Variants in GUCA1C observed in about 807,000 individuals in gnomAD.
The protein encoded by GUCA1C is guanylyl cyclase-activating protein 3.
GUCA1C carries 15 observed loss-of-function variants against 16.2 expected under a neutral mutation model. The observed-to-expected ratio is 0.93, with a 90% CI of 0.62 to 1.43. GUCA1C has a LOEUF of 1.43. Ranked by LOEUF, GUCA1C falls within the 40% of genes most tolerant of loss-of-function variation. The pLI, the probability that GUCA1C is intolerant of heterozygous loss-of-function variation, is 0.00. For synonymous variants in GUCA1C, 78 were observed against 85.4 expected, an observed-to-expected ratio of 0.91 and a Z score of 0.48; for missense variants, 275 against 244.8, an observed-to-expected ratio of 1.12 and a Z score of -0.82.
chr3:108,935,690 C>T (rs932567138), intron 1 of GUCA1C, among the ~76,000 whole-genome samples: 5 of 151,156 alleles, frequency 3.3e-5, no homozygotes, highest in Admixed American at 1.3e-4. Context: ...GGCAAGACTC[C>T]GTCTCAAAAA....
At chr3:108,938,839 T>C (rs1178206824) in intron 1 of GUCA1C, among the ~76,000 whole-genome samples, 1 of 152,222 alleles carries the variant, frequency 6.6e-6, no homozygotes, top group Non-Finnish European at 1.5e-5. Context: ...TGACTTCTCA[T>C]AATATTTACC....
At chr3:108,921,027 A>G (rs1260456341) in intron 1 of GUCA1C, among the ~76,000 whole-genome samples, 5 of 152,208 alleles carry the variant, frequency 3.3e-5, no homozygotes, top group African/African-American at 4.8e-5. Flanking sequence ...AATGCCATGT[A>G]CACACCATTA....
At position 108,930,335 on chromosome 3, in the gene GUCA1C, G is replaced by A. The variant is rs1048279939; in HGVS notation, c.205-9750C>T. 6.6e-5 allele frequency among the ~76,000 whole-genome samples: 10 copies of A among 152,326 alleles called. No individual in the cohort carries two copies. In the South Asian group the frequency reaches 1.0e-3, roughly 16 times the overall value. On this transcript the variant is annotated intron_variant, in intron 1 of 3. Transcript: ENST00000261047. ...GATTTATCAGTCTGTAAAGTGTTAC[G>A]TGTTTGACTGAGTCTCAAGCTTTTG... is the stretch of plus-strand genomic sequence containing the variant.
chr3:108,922,176 CACACACACACACACACACACACACACAT>C (rs1559842370), intron 1 of GUCA1C, among the ~76,000 whole-genome samples: 119 of 73,974 alleles, frequency 1.6e-3, no homozygotes, highest in African/African-American at 4.4e-3. Context: ...CACACACACA[CACACACACACACACACACACACACACAT>C]ATATATATGG....
rs1040566599 is a variant in GUCA1C at position 108,920,562 on chromosome 3, C to T, written c.228G>A (p.Glu76=). The T allele has an allele frequency of 6.5e-7, 1 of 1,532,018 alleles. No individual in the cohort carries two copies. Among genetic ancestry groups the T allele is most frequent in the Non-Finnish European group, 9.0e-7 (1 of 1,105,984 alleles). 94.9% of individuals were successfully genotyped at this position (1,532,018 alleles called of 1,614,324 possible). A position where few individuals can be genotyped will look rare whatever the true frequency, so the allele number is the denominator to read the frequency against. The change falls in exon 2 of 4, where the codon GAG becomes GAA. Residue 76 remains glutamate (E), a synonymous_variant. Coordinates refer to ENST00000261047, the MANE Select transcript of GUCA1C (RefSeq NM_005459.4). ...TNKDGFVDFL[E]FIAAVNLIMQ... is the part of the protein sequence containing the mutation. ...TGATTAGATTTACAGCAGCAATAAACTCCAAAAAGTCAACAAATCCATCCT... is the reference window on the plus strand; with the variant it reads ...TGATTAGATTTACAGCAGCAATAAATTCCAAAAAGTCAACAAATCCATCCT...
chr3:108,928,431 A>T (rs1176650760), intron 1 of GUCA1C, among the ~76,000 whole-genome samples: 1 of 152,232 alleles, frequency 6.6e-6, no homozygotes, highest in Non-Finnish European at 1.5e-5. Context: ...TTTGCAGAGC[A>T]GAAGTTTTTA....
intron 3 of GUCA1C, among the ~76,000 whole-genome samples, chr3:108,915,656 C>T (rs1946501730): frequency 6.6e-6 from 1 of 152,004 alleles, no homozygotes; most frequent in African/African-American, 2.4e-5. Context: ...GGACTCTTCT[C>T]CAGAAATGTT....
intron 3 of GUCA1C, among the ~76,000 whole-genome samples, chr3:108,910,922 T>C (rs988330161): frequency 8.5e-5 from 13 of 152,134 alleles, no homozygotes; most frequent in African/African-American, 3.1e-4. Flanking sequence ...AGTGCTGGGA[T>C]TACAGGCGTG....
intron 1 of GUCA1C, among the ~76,000 whole-genome samples, chr3:108,928,837 A>G (rs952860844): frequency 1.3e-5 from 2 of 152,186 alleles, no homozygotes; most frequent in African/African-American, 4.8e-5. Flanking sequence ...CTCAATTACT[A>G]TACTTTTACG....
intron 1 of GUCA1C, among the ~76,000 whole-genome samples, chr3:108,933,346 C>A (rs191382978): frequency 6.6e-6 from 1 of 151,070 alleles, no homozygotes; most frequent in Admixed American, 6.6e-5. Flanking sequence ...AATTTTAACC[C>A]CAACATGTTT....
intron 1 of GUCA1C, among the ~76,000 whole-genome samples, chr3:108,934,974 C>T (rs1474354626): frequency 2.6e-5 from 4 of 151,836 alleles, no homozygotes; most frequent in South Asian, 2.1e-4. Context: ...CCACCACGCC[C>T]GGCTAATTTT....
chr3:108,918,773 A>G (rs1038286028), intron 2 of GUCA1C, among the ~76,000 whole-genome samples: 2 of 151,996 alleles, frequency 1.3e-5, no homozygotes, highest in Non-Finnish European at 2.9e-5. Flanking sequence ...TACACTTTGT[A>G]TTTACCTTGC....
intron 3 of GUCA1C, among the ~76,000 whole-genome samples, chr3:108,915,074 C>G (rs1946494148): frequency 6.6e-6 from 1 of 152,200 alleles, no homozygotes. Flanking sequence ...ATACTCTTGT[C>G]CAGTCGTTTG....
Position 108,913,584 on chromosome 3 carries a change from C to A in GUCA1C, c.442+2543G>T, listed in dbSNP as rs973503403. Among the ~76,000 whole-genome samples the A allele has an allele frequency of 2.0e-5, 3 of 152,048 alleles. No homozygotes were observed. The East Asian group carries it at 5.8e-4, about 29-fold the overall frequency. On this transcript the variant is annotated intron_variant, in intron 3 of 3. Transcript: ENST00000261047. ...TGTTCACCAGCACATTTGTTAACAT[C>A]TTTTTCTTGATGTATGGAATGATCC...
chr3:108,916,861 A>G (rs1451197855), intron 2 of GUCA1C, among the ~76,000 whole-genome samples: 1 of 152,250 alleles, frequency 6.6e-6, no homozygotes, highest in Non-Finnish European at 1.5e-5. Context: ...ATAGAACTTC[A>G]AAATAAAATG....
intron 1 of GUCA1C, among the ~76,000 whole-genome samples, chr3:108,930,395 T>A (rs1481903402): frequency 1.3e-5 from 2 of 152,224 alleles, no homozygotes; most frequent in African/African-American, 4.8e-5. Flanking sequence ...GAAAAGCAAC[T>A]GAGAAACAAC....
chr3:108,946,893 A>G (rs1946849410), intron 1 of GUCA1C, among the ~76,000 whole-genome samples: 3 of 46,576 alleles, frequency 6.4e-5, no homozygotes, highest in Non-Finnish European at 1.5e-4. Flanking sequence ...AAGAATCTGA[A>G]AAAAAAAAAA....
At chr3:108,952,004 A>G (rs1380518173) in intron 1 of GUCA1C, among the ~76,000 whole-genome samples, 1 of 152,220 alleles carries the variant, frequency 6.6e-6, no homozygotes, top group Non-Finnish European at 1.5e-5. Flanking sequence ...TAGCAACCTA[A>G]CGGCTGGCAT....
intron 1 of GUCA1C, among the ~76,000 whole-genome samples, chr3:108,942,703 T>C (rs1464823246): frequency 1.3e-5 from 2 of 152,216 alleles, no homozygotes. Context: ...GTTAGTACAA[T>C]GTGAGGGAAA....
Sources: allele counts gnomAD v4.1 joint callset (sites outside exome capture counted in the v4.1 genomes callset), GRCh38; gene constraint gnomAD v4.1.1; transcripts MANE v1.5; gene names NCBI Gene and HGNC (gene_info 2026-07-23, HGNC 2026-07-21).